SRPK1: variants seen among roughly 807,000 people sequenced by gnomAD.
SRPK1 encodes SFRS protein kinase 1.
A neutral mutation model predicts 89.5 loss-of-function variants in SRPK1; 52 were observed. The observed-to-expected ratio is 0.58, with a 90% CI of 0.46 to 0.73. The LOEUF is 0.73. Among genes scored for constraint, SRPK1 ranks in the 30% least tolerant of loss-of-function variants. The pLI is 0.00. For missense variants in SRPK1, 603 were observed against 780.6 expected (o/e 0.77, Z 2.71); for synonymous variants, 255 against 270.2 (o/e 0.94, Z 0.55).
intron 2 of SRPK1, among the ~76,000 whole-genome samples, chr6:35,905,312 A>G (rs1770828705): frequency 6.6e-6 from 1 of 152,166 alleles, no homozygotes; most frequent in South Asian, 2.1e-4. Flanking sequence ...CTTTAGATAT[A>G]AAGGAGGAGG....
chr6:35,839,098 C>T (rs952276254), intron 14 of SRPK1, among the ~76,000 whole-genome samples: 7 of 152,224 alleles, frequency 4.6e-5, no homozygotes, highest in Admixed American at 1.3e-4. Context: ...ATGTGTTAGG[C>T]ATTCTAGAAC....
At chr6:35,874,666 T>C (rs927095920) in intron 6 of SRPK1, among the ~76,000 whole-genome samples, 1 of 152,332 alleles carries the variant, frequency 6.6e-6, no homozygotes, top group African/African-American at 2.4e-5. Context: ...CCTCAAGCTG[T>C]TGATTAGCTT....
chr6:35,885,298 CAGAGAGAGAGAG>C (rs138504486), intron 6 of SRPK1, among the ~76,000 whole-genome samples: 126 of 113,184 alleles, frequency 1.1e-3, no homozygotes, highest in African/African-American at 2.8e-3. Flanking sequence ...CACACACACA[CAGAGAGAGAGAG>C]AGAGAGAGAG....
intron 2 of SRPK1, among the ~76,000 whole-genome samples, chr6:35,907,089 G>C (rs1770863960): frequency 6.6e-6 from 1 of 152,018 alleles, no homozygotes; most frequent in South Asian, 2.1e-4. Context: ...ACCACAAAAA[G>C]AGAGACAACC....
chr6:35,859,683 T>G (rs1457956274), intron 12 of SRPK1, among the ~76,000 whole-genome samples: 1 of 152,174 alleles, frequency 6.6e-6, no homozygotes, highest in Non-Finnish European at 1.5e-5. Flanking sequence ...AAAAATTATG[T>G]AAAATTCCAT....
At chr6:35,880,746 A>AAAGAAAGAAAGAAAGAAAG (rs1770263647) in intron 6 of SRPK1, among the ~76,000 whole-genome samples, 14 of 89,222 alleles carry the variant, frequency 1.6e-4, no homozygotes, top group African/African-American at 6.3e-4. Context: ...AAAAAAAAAA[A>AAAGAAAGAAAGAAAGAAAG]AAAAGAAAAG....
chr6:35,846,489 GGGTGAGCCGAGAT>G (rs1484849801), intron 13 of SRPK1, among the ~76,000 whole-genome samples: 28 of 151,454 alleles, frequency 1.8e-4, no homozygotes, highest in African/African-American at 6.3e-4. Flanking sequence ...CTACTCAGGA[GGGTGAGCCGAGAT>G]TGTACTACTG....
intron 15 of SRPK1, among the ~76,000 whole-genome samples, chr6:35,836,491 G>A (rs751719188): frequency 1.9e-4 from 29 of 152,104 alleles, no homozygotes; most frequent in Non-Finnish European, 4.0e-4. Flanking sequence ...AGTGGCTCAT[G>A]CCTGTAATTC....
At chr6:35,901,091 T>C (rs1770730419) in intron 2 of SRPK1, among the ~76,000 whole-genome samples, 1 of 152,238 alleles carries the variant, frequency 6.6e-6, no homozygotes, top group African/African-American at 2.4e-5. Flanking sequence ...ATATAAACTT[T>C]AGTCTTTTCT....
At chr6:35,864,480 A>C (rs1769852161) in intron 12 of SRPK1, among the ~76,000 whole-genome samples, 1 of 152,216 alleles carries the variant, frequency 6.6e-6, no homozygotes, top group Admixed American at 6.5e-5. Flanking sequence ...AGAGAAAGGC[A>C]AATCAAAGCT....
At chr6:35,850,394 G>A (rs371137833) in intron 13 of SRPK1, among the ~76,000 whole-genome samples, 2 of 152,082 alleles carry the variant, frequency 1.3e-5, no homozygotes, top group African/African-American at 2.4e-5. Context: ...TGAAGCAAAC[G>A]AAAGATGTCT....
At chr6:35,881,428 TATAG>T (rs1231643092) in intron 6 of SRPK1, among the ~76,000 whole-genome samples, 4 of 13,004 alleles carry the variant, frequency 3.1e-4, no homozygotes, top group East Asian at 2.6e-3. Flanking sequence ...AGAATACACA[TATAG>T]ATATAGATAT....
chr6:35,848,384 C>T (rs941272594), intron 13 of SRPK1, among the ~76,000 whole-genome samples: 2 of 152,004 alleles, frequency 1.3e-5, no homozygotes, highest in Non-Finnish European at 2.9e-5. Context: ...ACAGGGAGAC[C>T]CCACCTCTAC....
chr6:35,875,916 C>T (rs1055805386), intron 6 of SRPK1, among the ~76,000 whole-genome samples: 1 of 152,036 alleles, frequency 6.6e-6, no homozygotes, highest in African/African-American at 2.4e-5. Context: ...CAAATTCACA[C>T]CATGTGCCTT....
chr6:35,917,257 T>G (rs1441286660), intron 2 of SRPK1, among the ~76,000 whole-genome samples: 4 of 152,106 alleles, frequency 2.6e-5, no homozygotes, highest in Non-Finnish European at 5.9e-5. Flanking sequence ...CATCCAGAGG[T>G]CTCTCATTCA....
At chr6:35,862,169 GCTGCCCAGGGGCCTGAGAAC>G (rs1475155058) in intron 12 of SRPK1, among the ~76,000 whole-genome samples, 1 of 151,988 alleles carries the variant, frequency 6.6e-6, no homozygotes, top group African/African-American at 2.4e-5. Flanking sequence ...CATTATACCA[GCTGCCCAGGGGCCTGAGAAC>G]CTGCCCATAT....
intron 13 of SRPK1, among the ~76,000 whole-genome samples, chr6:35,856,661 C>T (rs1053375271): frequency 2.0e-5 from 3 of 151,994 alleles, no homozygotes; most frequent in Admixed American, 6.6e-5. Context: ...TAAACAAACA[C>T]GATTAGAAAT....
chr6:35,912,011 G>A (rs555635827), intron 2 of SRPK1, among the ~76,000 whole-genome samples: 5 of 151,862 alleles, frequency 3.3e-5, no homozygotes, highest in East Asian at 3.9e-4. Flanking sequence ...TTGAGCAGCC[G>A]CCAGATGAGT....
chr6:35,914,072 T>G (rs1771038348), intron 2 of SRPK1, among the ~76,000 whole-genome samples: 1 of 139,684 alleles, frequency 7.2e-6, no homozygotes, highest in Non-Finnish European at 1.5e-5. Context: ...ACCTCCCAGG[T>G]TCAAGCAATT....
Sources: allele counts gnomAD v4.1 joint callset (sites outside exome capture counted in the v4.1 genomes callset), GRCh38; gene constraint gnomAD v4.1.1; transcripts MANE v1.5; gene names NCBI Gene and HGNC (gene_info 2026-07-23, HGNC 2026-07-21).